Variants in THSD7B observed in about 807,000 individuals in gnomAD.
The protein encoded by THSD7B is thrombospondin type 1 domain containing 7B, also known as thrombospondin type-1 domain-containing protein 7B.
In THSD7B, 138 loss-of-function variants were observed where a neutral mutation model predicts 213.6. That is an observed-to-expected ratio of 0.65 (90% CI 0.56 to 0.74). The LOEUF is 0.74. Ranked by LOEUF, THSD7B falls within the 30% of genes least tolerant of loss-of-function variation. The pLI is 0.00. For synonymous variants in THSD7B, 742 were observed against 687.0 expected, an observed-to-expected ratio of 1.08 and a Z score of -1.25; for missense variants, 1,931 against 1,991.5, an observed-to-expected ratio of 0.97 and a Z score of 0.58.
Position 137,620,753 on chromosome 2 carries a change from A to C in THSD7B, c.3799+27A>C, listed in dbSNP as rs1179066069. The C allele has an allele frequency of 4.5e-6, 7 of 1,565,726 alleles. No homozygotes were observed. The Admixed American group carries it at 1.2e-4, about 26-fold the overall frequency. On this transcript the variant is annotated intron_variant, in intron 20 of 27. Coordinates refer to ENST00000409968, the MANE Select transcript of THSD7B (RefSeq NM_001316349.2). Reference sequence around the variant, plus strand: ...TATTGGTTTCCCCATATTTCCCACTAACTAGTGTAGGTTTCTAAATATCAT... The same window carrying C: ...TATTGGTTTCCCCATATTTCCCACTCACTAGTGTAGGTTTCTAAATATCAT...
At chr2:137,435,866 T>G (rs1687279376) in intron 14 of THSD7B, among the ~76,000 whole-genome samples, 1 of 152,154 alleles carries the variant, frequency 6.6e-6, no homozygotes, top group South Asian at 2.1e-4. Flanking sequence ...GGTGACTCTG[T>G]GTCTTTGGGT....
At chr2:136,851,933 C>CTATATA (rs35929047) in intron 1 of THSD7B, among the ~76,000 whole-genome samples, 123 of 148,110 alleles carry the variant, frequency 8.3e-4, no homozygotes, top group Middle Eastern at 3.5e-3. Context: ...CAATACACAA[C>CTATATA]TATATATATA....
intron 12 of THSD7B, among the ~76,000 whole-genome samples, chr2:137,370,604 G>C (rs1309633741): frequency 6.6e-6 from 1 of 152,086 alleles, no homozygotes; most frequent in Non-Finnish European, 1.5e-5. Context: ...GAGTAACTGG[G>C]ATTACAGGCA....
chr2:136,975,220 T>C (rs770628928), intron 2 of THSD7B, among the ~76,000 whole-genome samples: 1 of 152,184 alleles, frequency 6.6e-6, no homozygotes, highest in Non-Finnish European at 1.5e-5. Context: ...CATTTGTCAA[T>C]TTTTGCTTTT....
chr2:137,261,215 G>A (rs890901664), intron 10 of THSD7B, among the ~76,000 whole-genome samples: 12 of 151,954 alleles, frequency 7.9e-5, no homozygotes, highest in Admixed American at 7.2e-4. Context: ...TTGTGGAGGT[G>A]TAGGAACATG....
chr2:137,390,005 T>C (rs1487951337), intron 12 of THSD7B, among the ~76,000 whole-genome samples: 2 of 152,192 alleles, frequency 1.3e-5, no homozygotes. Context: ...TTTGTTCTTT[T>C]TGCTCAGGAT....
At chr2:137,390,780 G>C (rs984019120) in intron 12 of THSD7B, among the ~76,000 whole-genome samples, 1 of 152,156 alleles carries the variant, frequency 6.6e-6, no homozygotes, top group African/African-American at 2.4e-5. Flanking sequence ...TCTGTCTATT[G>C]AGATGATCAA....
Position 136,893,039 on chromosome 2 carries a change from G to A in THSD7B, c.139+10722G>A, listed in dbSNP as rs1683892121. Among the ~76,000 whole-genome samples the A allele has an allele frequency of 1.3e-5, 2 of 152,062 alleles. 1 individual carries two copies. Among genetic ancestry groups the A allele is most frequent in the Admixed American group, 1.3e-4 (2 of 15,254 alleles). On this transcript the variant is annotated intron_variant, in intron 2 of 27. Transcript: ENST00000409968. ...TGTTATTTCAGTGGAGTATTAGCAG[G>A]GAGTGAAAATTATACCTATGTCATG...
At chr2:137,094,800 T>A (rs1688009928) in intron 3 of THSD7B, 73 bp from the exon 4 acceptor site, 2 of 1,516,678 alleles carry the variant, frequency 1.3e-6, no homozygotes, top group African/African-American at 2.8e-5. Context: ...TTTTTTCTCA[T>A]GGTAGGCACT....
rs1428269000 is a variant in THSD7B at position 136,802,057 on chromosome 2, C to T, written c.-36+36370C>T. 3.3e-5 allele frequency among the ~76,000 whole-genome samples: 5 copies of T among 151,972 alleles called. No individual in the cohort carries two copies. The South Asian group carries it at 8.3e-4, about 25-fold the overall frequency. On this transcript the variant is annotated intron_variant, in intron 1 of 27. Coordinates refer to ENST00000409968, the MANE Select transcript of THSD7B (RefSeq NM_001316349.2). The stretch of plus-strand genomic sequence containing the variant: ...GTTAATAATTGTTTAATAAGCAATT[C>T]CTGGTAAACCTCCCTGAATCATTGT...
chr2:137,260,575 C>A (rs535398101), intron 10 of THSD7B, among the ~76,000 whole-genome samples: 1 of 152,050 alleles, frequency 6.6e-6, no homozygotes, highest in African/African-American at 2.4e-5. Flanking sequence ...TGAGCCTGGA[C>A]GACAAAGGAC....
intron 3 of THSD7B, among the ~76,000 whole-genome samples, chr2:137,061,169 C>T (rs1280407950): frequency 1.3e-5 from 2 of 151,648 alleles, no homozygotes; most frequent in Non-Finnish European, 3.0e-5. Context: ...AATAAGAAAA[C>T]CGTTAACTTT....
chr2:137,663,782 C>T lies in THSD7B; in HGVS notation c.4651+207C>T, dbSNP rs556468772. Among the ~76,000 whole-genome samples the T allele has an allele frequency of 8.9e-4, 135 of 152,308 alleles. 1 individual carries two copies. The highest frequency in any genetic ancestry group is 3.4e-3 in the Middle Eastern group (1 of 294). ...TACAGTGTTTTCATGAATGGTTGAA[C>T]GTAAGTCTCTCAACCTCAGTCTAAG... On this transcript the variant is annotated intron_variant, in intron 26 of 27. Transcript: ENST00000409968.
At chr2:137,443,058 C>T (rs16838927) in intron 14 of THSD7B, among the ~76,000 whole-genome samples, 12,611 of 152,118 alleles carry the variant, frequency 0.083, 1,097 homozygotes, top group African/African-American at 0.22. Flanking sequence ...AGCTAGTGTA[C>T]GTACAGTCCT....
Position 137,411,783 on chromosome 2 carries a change from A to G in THSD7B, c.2870A>G (p.Lys957Arg). 1.2e-6 allele frequency: 2 copies of G among 1,613,960 alleles called. No individual in the cohort carries two copies. Among genetic ancestry groups the G allele is most frequent in the Non-Finnish European group, 1.7e-6 (2 of 1,179,890 alleles). ...GGACTGCGGGTACAAGCAGACAGCA[A>G]AGAATGTGGAGAAGGCCTGCGCTTT... ...HRGLRVQADS[K>R]ECGEGLRFRA... Residue 957 changes from lysine to arginine, a missense_variant, in exon 14 of 28, where the codon AAA (lysine) becomes AGA (arginine). Lys to Arg is a conservative substitution (Grantham distance 26). Coordinates refer to ENST00000409968, the MANE Select transcript of THSD7B (RefSeq NM_001316349.2).
chr2:137,078,468 C>A (rs949816052), intron 3 of THSD7B, among the ~76,000 whole-genome samples: 4 of 152,060 alleles, frequency 2.6e-5, no homozygotes, highest in Non-Finnish European at 5.9e-5. Context: ...TAACCCACAC[C>A]ATTTTTTCTT....
intron 6 of THSD7B, among the ~76,000 whole-genome samples, chr2:137,164,339 C>G (rs1680079597): frequency 6.6e-6 from 1 of 152,198 alleles, no homozygotes; most frequent in Non-Finnish European, 1.5e-5. Context: ...GATACCATCT[C>G]ACGCCAGTTA....
chr2:137,524,074 A>G (rs1044552678), intron 15 of THSD7B, among the ~76,000 whole-genome samples: 2 of 152,114 alleles, frequency 1.3e-5, no homozygotes, highest in African/African-American at 4.8e-5. Flanking sequence ...TGTTTACTGC[A>G]TTGAAACCCC....
intron 3 of THSD7B, among the ~76,000 whole-genome samples, chr2:137,088,552 T>A (rs1269976225): frequency 1.3e-5 from 2 of 151,340 alleles, no homozygotes; most frequent in Non-Finnish European, 2.9e-5. Flanking sequence ...GAAAAACCCT[T>A]CTAGACATTG....
Sources: gnomAD v4.1 joint callset for allele counts (sites outside exome capture counted in the v4.1 genomes callset) on GRCh38, gnomAD v4.1.1 for gene constraint, MANE v1.5 for transcripts, NCBI Gene and HGNC (gene_info 2026-07-23, HGNC 2026-07-21) for gene names.